ARB2A: variants seen among roughly 807,000 people sequenced by gnomAD.
The protein encoded by ARB2A is ARB2 cotranscriptional regulator A, also known as cotranscriptional regulator ARB2A.
At chr5:94,028,227 C>G in the ARB2A span, among the ~76,000 whole-genome samples, 2 of 152,138 alleles carry the variant, frequency 1.3e-5, no homozygotes, top group Non-Finnish European at 2.9e-5. Context: ...AGGTAAAAAG[C>G]AGTCAGGGCC....
At chr5:93,720,381 CATA>C in the ARB2A span, among the ~76,000 whole-genome samples, 2 of 152,158 alleles carry the variant, frequency 1.3e-5, no homozygotes, top group African/African-American at 2.4e-5. Flanking sequence ...AAGCCTTTGT[CATA>C]ATGTCTATTT....
chr5:93,882,492 T>A, the ARB2A span, among the ~76,000 whole-genome samples: 30 of 151,210 alleles, frequency 2.0e-4, no homozygotes, highest in East Asian at 9.7e-4. Context: ...TTTTTTTTTT[T>A]AAATTTGTAA....
At chr5:93,630,894 C>CT in the ARB2A span, among the ~76,000 whole-genome samples, 2 of 151,796 alleles carry the variant, frequency 1.3e-5, no homozygotes, top group African/African-American at 4.8e-5. Flanking sequence ...AAACTTATTC[C>CT]TTTTTTTTCC....
At chr5:93,789,092 T>A in the ARB2A span, among the ~76,000 whole-genome samples, 2 of 152,174 alleles carry the variant, frequency 1.3e-5, no homozygotes, top group Non-Finnish European at 2.9e-5. Flanking sequence ...TTTGGATATA[T>A]CACATGTTTC....
At chr5:93,719,757 C>T in the ARB2A span, among the ~76,000 whole-genome samples, 5 of 152,132 alleles carry the variant, frequency 3.3e-5, no homozygotes, top group African/African-American at 1.2e-4. Context: ...TCCAAATATC[C>T]ATCTACTATC....
At chr5:93,964,618 G>A in the ARB2A span, 4 of 745,102 alleles carry the variant, frequency 5.4e-6, no homozygotes, top group South Asian at 1.9e-5. Flanking sequence ...ATTGCTCTGA[G>A]TAAATATCTC....
the ARB2A span, among the ~76,000 whole-genome samples, chr5:93,712,936 C>G: frequency 2.5e-4 from 38 of 152,146 alleles, no homozygotes; most frequent in South Asian, 6.8e-3. Context: ...AACAAAGGTG[C>G]CAAGAACATA....
At chr5:93,959,453 G>A in the ARB2A span, among the ~76,000 whole-genome samples, 1 of 151,932 alleles carries the variant, frequency 6.6e-6, no homozygotes, top group East Asian at 1.9e-4. Context: ...TTGTATAACA[G>A]AAATATATTG....
At chr5:93,658,747 T>C in the ARB2A span, among the ~76,000 whole-genome samples, 1 of 152,116 alleles carries the variant, frequency 6.6e-6, no homozygotes, top group South Asian at 2.1e-4. Flanking sequence ...ACTTATCTCC[T>C]TTTTTGCCTT....
At chr5:93,865,862 A>C in the ARB2A span, 1 of 985,322 alleles carries the variant, frequency 1.0e-6, no homozygotes, top group African/African-American at 1.7e-5. Context: ...GTGAGGTCAA[A>C]TATGAGGTTA....
the ARB2A span, among the ~76,000 whole-genome samples, chr5:93,646,441 A>G: frequency 2.6e-5 from 4 of 152,156 alleles, no homozygotes; most frequent in African/African-American, 4.8e-5. Flanking sequence ...ACACTTACAT[A>G]TGGTAGCAAA....
chr5:93,726,471 G>T, the ARB2A span, among the ~76,000 whole-genome samples: 9 of 151,966 alleles, frequency 5.9e-5, no homozygotes, highest in Non-Finnish European at 1.2e-4. Context: ...AATAGAAGTT[G>T]CTGCGACTGC....
chr5:93,668,857 T>C, the ARB2A span, among the ~76,000 whole-genome samples: 1 of 152,186 alleles, frequency 6.6e-6, no homozygotes, highest in African/African-American at 2.4e-5. Flanking sequence ...TGGATAGCTC[T>C]ACCAGAGTCA....
At chr5:93,743,450 T>A in the ARB2A span, 39 of 684,368 alleles carry the variant, frequency 5.7e-5, no homozygotes, top group Non-Finnish European at 7.0e-5. Flanking sequence ...GATTTTAAGA[T>A]GACAGTCTAT....
the ARB2A span, among the ~76,000 whole-genome samples, chr5:93,974,769 T>C: frequency 6.6e-6 from 1 of 152,114 alleles, no homozygotes; most frequent in East Asian, 1.9e-4. Context: ...AAATGAATCA[T>C]ACGAAACATC....
At chr5:93,800,526 A>G in the ARB2A span, among the ~76,000 whole-genome samples, 6 of 152,020 alleles carry the variant, frequency 3.9e-5, no homozygotes, top group African/African-American at 1.4e-4. Flanking sequence ...ATAGTTGTCT[A>G]TATTCCTTAG....
chr5:94,052,886 A>C, the ARB2A span, among the ~76,000 whole-genome samples: 5 of 152,206 alleles, frequency 3.3e-5, no homozygotes, highest in Non-Finnish European at 7.3e-5. Flanking sequence ...TAGTTCACGT[A>C]ACTTGACAAC....
At chr5:94,055,548 C>A in the ARB2A span, 1 of 689,880 alleles carries the variant, frequency 1.4e-6, no homozygotes, top group African/African-American at 2.0e-5. Flanking sequence ...AATATACTAT[C>A]CCCAATATAA....
chr5:93,838,719 T>G, the ARB2A span, among the ~76,000 whole-genome samples: 2 of 152,188 alleles, frequency 1.3e-5, no homozygotes, highest in East Asian at 3.8e-4. Context: ...TTGATTTCTT[T>G]GAGCAGTATA....
Sources: allele counts gnomAD v4.1 joint callset (sites outside exome capture counted in the v4.1 genomes callset), GRCh38; gene constraint gnomAD v4.1.1; transcripts MANE v1.5; gene names NCBI Gene and HGNC (gene_info 2026-07-23, HGNC 2026-07-21).